FAM228B: variants seen among roughly 807,000 people sequenced by gnomAD.
The protein encoded by FAM228B is protein FAM228B.
A neutral mutation model predicts 42.6 loss-of-function variants in FAM228B; 38 were observed. That is an observed-to-expected ratio of 0.89 (90% CI 0.69 to 1.17). The LOEUF is 1.17. Among genes scored for constraint, FAM228B ranks in the 50% most tolerant of loss-of-function variants. FAM228B has a pLI of 0.00. For missense variants in FAM228B, 344 were observed against 367.3 expected (o/e 0.94, Z 0.52); for synonymous variants, 109 against 122.3 (o/e 0.89, Z 0.72).
intron 2 of FAM228B, among the ~76,000 whole-genome samples, chr2:24,093,446 C>A (rs748371262): frequency 1.3e-5 from 2 of 152,120 alleles, no homozygotes; most frequent in Non-Finnish European, 2.9e-5. Context: ...ATGATGGTTT[C>A]CAGCTTCATC....
intron 5 of FAM228B, among the ~76,000 whole-genome samples, chr2:24,145,678 C>A (rs1018046458): frequency 1.3e-5 from 2 of 151,206 alleles, no homozygotes; most frequent in African/African-American, 4.9e-5. Flanking sequence ...ATACAAATAC[C>A]TGAAAATGAT....
At chr2:24,149,767 C>CA (rs1286569018) in intron 7 of FAM228B, among the ~76,000 whole-genome samples, 2 of 152,146 alleles carry the variant, frequency 1.3e-5, no homozygotes, top group Admixed American at 6.6e-5. Flanking sequence ...TTTCTTCTCT[C>CA]AAAAATCTAA....
intron 7 of FAM228B, among the ~76,000 whole-genome samples, chr2:24,152,839 A>G (rs1267974737): frequency 2.0e-5 from 3 of 152,030 alleles, no homozygotes; most frequent in African/African-American, 4.8e-5. Flanking sequence ...GGCTTGAAGT[A>G]AAAAAAACCT....
At chr2:24,104,445 A>G (rs1573739209) in intron 3 of FAM228B, among the ~76,000 whole-genome samples, 2 of 152,138 alleles carry the variant, frequency 1.3e-5, no homozygotes, top group South Asian at 4.1e-4. Flanking sequence ...TGCTCCACCC[A>G]CCCATGCTGG....
At chr2:24,105,533 C>G (rs1395116390) in intron 3 of FAM228B, among the ~76,000 whole-genome samples, 1 of 152,192 alleles carries the variant, frequency 6.6e-6, no homozygotes, top group African/African-American at 2.4e-5. Context: ...CACAAAAACT[C>G]TGGCAAATCA....
intron 2 of FAM228B, among the ~76,000 whole-genome samples, chr2:24,093,110 T>C (rs1397093664): frequency 6.6e-6 from 1 of 152,198 alleles, no homozygotes; most frequent in East Asian, 1.9e-4. Flanking sequence ...CCCAAAACTA[T>C]GTGTCCCCTC....
chr2:24,155,529 ATATTTTTTTTT>A (rs1161642832), intron 7 of FAM228B, among the ~76,000 whole-genome samples: 43 of 12,646 alleles, frequency 3.4e-3, no homozygotes, highest in East Asian at 0.015. Flanking sequence ...ATATATATAT[ATATTTTTTTTT>A]TTTTTTTTTT....
chr2:24,106,117 C>A (rs1213722223), intron 3 of FAM228B, among the ~76,000 whole-genome samples: 1 of 151,962 alleles, frequency 6.6e-6, no homozygotes, highest in Non-Finnish European at 1.5e-5. Context: ...ATGCAGAGAA[C>A]CCTGAGAGAT....
At chr2:24,160,103 C>T (rs1484585615) in intron 7 of FAM228B, among the ~76,000 whole-genome samples, 1 of 151,786 alleles carries the variant, frequency 6.6e-6, no homozygotes, top group Non-Finnish European at 1.5e-5. Context: ...ATTCCCCACT[C>T]CTTGGCTCCC....
At chr2:24,109,466 GCTT>G (rs1467896834) in intron 3 of FAM228B, among the ~76,000 whole-genome samples, 5 of 152,140 alleles carry the variant, frequency 3.3e-5, no homozygotes, top group African/African-American at 1.2e-4. Flanking sequence ...AAATTAAAGA[GCTT>G]CTGCACAGCA....
intron 3 of FAM228B, among the ~76,000 whole-genome samples, chr2:24,099,470 C>T (rs909193436): frequency 2.6e-5 from 4 of 152,106 alleles, no homozygotes; most frequent in East Asian, 1.9e-4. Flanking sequence ...CATTCCTATA[C>T]GCCATTAACA....
At chr2:24,142,690 A>C (rs1666783451) in intron 5 of FAM228B, 1 of 152,238 alleles carries the variant, frequency 6.6e-6, no homozygotes, top group African/African-American at 2.4e-5. Context: ...AAATGAATGA[A>C]GTCAGCTTGT....
intron 4 of FAM228B, 40 bp from the exon 5 acceptor site, chr2:24,139,330 A>G (rs1467812535): frequency 2.8e-5 from 34 of 1,219,060 alleles, no homozygotes; most frequent in Non-Finnish European, 3.7e-5. Flanking sequence ...TTAACTGTGC[A>G]CCTCTTGTTC....
intron 2 of FAM228B, among the ~76,000 whole-genome samples, chr2:24,131,579 T>C (rs1181596102): frequency 2.6e-5 from 4 of 152,202 alleles, no homozygotes; most frequent in Non-Finnish European, 5.9e-5. Flanking sequence ...TATTTTATTT[T>C]CTTTATAGCA....
chr2:24,092,087 G>T (rs1383126993), intron 2 of FAM228B, among the ~76,000 whole-genome samples: 5 of 151,610 alleles, frequency 3.3e-5, no homozygotes, highest in Admixed American at 3.3e-4. Context: ...AGCCAGGCAT[G>T]GTGGCATGTG....
chr2:24,127,705 C>T (rs934943315), intron 2 of FAM228B, among the ~76,000 whole-genome samples: 15 of 151,880 alleles, frequency 9.9e-5, no homozygotes, highest in Non-Finnish European at 1.5e-4. Flanking sequence ...CTCTATCACC[C>T]GGGTTGCAGT....
At chr2:24,129,677 T>A (rs1278423752) in intron 2 of FAM228B, among the ~76,000 whole-genome samples, 1 of 152,178 alleles carries the variant, frequency 6.6e-6, no homozygotes, top group Non-Finnish European at 1.5e-5. Flanking sequence ...TGGTTTTTTA[T>A]CATTTCTATT....
chr2:24,101,422 T>TCTGTGACC (rs1179727039), intron 3 of FAM228B, among the ~76,000 whole-genome samples: 1 of 152,190 alleles, frequency 6.6e-6, no homozygotes, highest in Admixed American at 6.6e-5. Context: ...AAAATTATTT[T>TCTGTGACC]CTGTGACCAC....
chr2:24,143,285 A>G (rs940863961), intron 5 of FAM228B, among the ~76,000 whole-genome samples: 14 of 151,924 alleles, frequency 9.2e-5, no homozygotes, highest in Admixed American at 7.9e-4. Context: ...GGTTCACACC[A>G]TTCTCCTGCC....
Sources: gnomAD v4.1 joint callset for allele counts (sites outside exome capture counted in the v4.1 genomes callset) on GRCh38, gnomAD v4.1.1 for gene constraint, MANE v1.5 for transcripts, NCBI Gene and HGNC (gene_info 2026-07-23, HGNC 2026-07-21) for gene names.